Variants in CRYZL1 observed in about 807,000 individuals in gnomAD.
CRYZL1 encodes the protein crystallin zeta like 1.
CRYZL1 carries 34 observed loss-of-function variants against 50.6 expected under a neutral mutation model. That is an observed-to-expected ratio of 0.67 (90% confidence interval 0.51 to 0.89). CRYZL1 has a LOEUF of 0.89. Ranked by LOEUF, CRYZL1 falls within the 40% of genes least tolerant of loss-of-function variation. CRYZL1 has a pLI of 0.00. For synonymous variants in CRYZL1, 125 were observed against 134.3 expected (o/e 0.93, Z 0.48); for missense variants, 354 against 402.3 (o/e 0.88, Z 1.03).
intron 1 of CRYZL1, chr21:33,641,385 G>A (rs1430832093): frequency 6.8e-7 from 1 of 1,472,368 alleles, no homozygotes; most frequent in Non-Finnish European, 9.0e-7. Context: ...CAACCTGGGA[G>A]ATTAAGTGGA....
chr21:33,596,235 T>C (rs1270962014), intron 10 of CRYZL1: 2 of 449,748 alleles, frequency 4.4e-6, no homozygotes, highest in East Asian at 1.5e-4. Flanking sequence ...CATAAACATA[T>C]ATAGTAATTC....
intron 1 of CRYZL1, chr21:33,641,426 AG>A (rs1480201177): frequency 5.7e-6 from 7 of 1,238,416 alleles, no homozygotes; most frequent in Non-Finnish European, 6.5e-6. Flanking sequence ...CCTCCATAAA[AG>A]TAGAGGGAGA....
At chr21:33,617,722 G>A (rs1254211209) in intron 4 of CRYZL1, among the ~76,000 whole-genome samples, 2 of 152,144 alleles carry the variant, frequency 1.3e-5, no homozygotes, top group African/African-American at 2.4e-5. Flanking sequence ...ACAGGACAGG[G>A]ATTTTCACAA....
chr21:33,603,737 C>T (rs1334296712), intron 6 of CRYZL1, among the ~76,000 whole-genome samples, 200 bp from the exon 7 acceptor site: 1 of 152,098 alleles, frequency 6.6e-6, no homozygotes, highest in Non-Finnish European at 1.5e-5. Context: ...ATTTTTAAAA[C>T]TTTTTATATT....
intron 1 of CRYZL1, among the ~76,000 whole-genome samples, chr21:33,640,840 T>C (rs1407921175): frequency 6.6e-6 from 1 of 152,222 alleles, no homozygotes; most frequent in Non-Finnish European, 1.5e-5. Context: ...GATTTAATTT[T>C]GAAGAATTAA....
At chr21:33,596,697 C>T (rs942033980) in intron 10 of CRYZL1, among the ~76,000 whole-genome samples, 1 of 151,462 alleles carries the variant, frequency 6.6e-6, no homozygotes, top group Non-Finnish European at 1.5e-5. Context: ...ATGTCTAAAT[C>T]ACTAAATAAA....
intron 1 of CRYZL1, chr21:33,641,415 GC>G: frequency 7.5e-7 from 1 of 1,327,332 alleles, no homozygotes; most frequent in Non-Finnish European, 1.0e-6. Flanking sequence ...CCAGACCTCT[GC>G]CTCCATAAAA....
intron 2 of CRYZL1, among the ~76,000 whole-genome samples, chr21:33,625,224 C>T (rs578105649): frequency 1.7e-4 from 26 of 151,314 alleles, no homozygotes; most frequent in Admixed American, 1.3e-3. Context: ...GGCGCGATCT[C>T]GGCTCACTGC....
chr21:33,602,743 T>C (rs1465268829), intron 7 of CRYZL1, among the ~76,000 whole-genome samples: 1 of 152,188 alleles, frequency 6.6e-6, no homozygotes, highest in Non-Finnish European at 1.5e-5. Flanking sequence ...CTTCAAAAGC[T>C]CCATCCTGTT....
intron 1 of CRYZL1, among the ~76,000 whole-genome samples, chr21:33,639,223 A>C (rs1241780145): frequency 5.3e-5 from 8 of 152,296 alleles, no homozygotes; most frequent in Admixed American, 2.0e-4. Context: ...GGTTTCTTAC[A>C]TGACCAATTC....
At chr21:33,632,409 G>A (rs1031612171) in intron 1 of CRYZL1, among the ~76,000 whole-genome samples, 1 of 151,572 alleles carries the variant, frequency 6.6e-6, no homozygotes, top group Non-Finnish European at 1.5e-5. Flanking sequence ...ATGGAGTCTC[G>A]CCCTATTGCC....
Position 33,599,235 on chromosome 21 carries a change from A to G in CRYZL1, c.591T>C (p.Asp197=). The G allele has an allele frequency of 6.2e-7, 1 of 1,613,812 alleles. No homozygotes were observed. The highest frequency in any genetic ancestry group is 8.5e-7 in the Non-Finnish European group (1 of 1,179,734). ...CAACATGAACTTTCCCATTAGATAC[A>G]TCAATCACTCGGGCTGTAAAGGACA... ...RFRPPIARVI[D]VSNGKVHVAE... The change falls in exon 9 of 13, where the codon GAT becomes GAC. Residue 197 remains aspartate (D), a synonymous_variant. Transcript: ENST00000381554.
intron 11 of CRYZL1, 85 bp downstream of exon 11, chr21:33,595,643 CTAT>C (rs1388334830): frequency 6.4e-7 from 1 of 1,563,600 alleles, no homozygotes; most frequent in East Asian, 2.3e-5. Flanking sequence ...AACTTAACTG[CTAT>C]TATTATTTCC....
At chr21:33,620,478 TATAAA>T (rs1023516538) in intron 4 of CRYZL1, among the ~76,000 whole-genome samples, 66 of 152,084 alleles carry the variant, frequency 4.3e-4, no homozygotes, top group African/African-American at 1.5e-3. Context: ...GCTCTTCACT[TATAAA>T]ATACCAATTG....
In CRYZL1 at chr21:33,600,933, G is replaced by GTTTTTTTTTTTT. The variant is rs764185960; in HGVS notation, c.577+1289_577+1300dup. 4.5e-4 allele frequency among the ~76,000 whole-genome samples: 27 copies of GTTTTTTTTTTTT among 59,568 alleles called. 13 individuals are homozygous for GTTTTTTTTTTTT. Among genetic ancestry groups the GTTTTTTTTTTTT allele is most frequent in the Non-Finnish European group, 4.0e-4 (13 of 32,436 alleles). 39.1% of individuals were successfully genotyped at this position (59,568 alleles called of 152,430 possible). A position where few individuals can be genotyped will look rare whatever the true frequency, so the allele number is the denominator to read the frequency against. ...TGAGCCACTGTGCCCGGTCCATAAA[G>GTTTTTTTTTTTT]TTTTTTTTTTTTTTTTTTTTGGGGG... On this transcript the variant is annotated intron_variant, in intron 8 of 12. Transcript: ENST00000381554.
In CRYZL1 at chr21:33,625,340, A is replaced by G. The variant is rs59737201; in HGVS notation, c.67-580T>C. On this transcript the variant is annotated intron_variant, in intron 2 of 12. Coordinates refer to ENST00000381554, the MANE Select transcript of CRYZL1 (RefSeq NM_145858.3). ...CCAGCTAATTTTTTGTATTTTCAGT[A>G]GAGACGGGGTTTCACTGTGTTAGCC... Among the ~76,000 whole-genome samples, 278 of 152,086 alleles carry G rather than the reference A, an allele frequency of 1.8e-3. 7 individuals carry two copies. The East Asian group carries it at 0.05, about 27-fold the overall frequency.
At chr21:33,630,451 T>C (rs985590853) in intron 2 of CRYZL1, among the ~76,000 whole-genome samples, 3 of 152,132 alleles carry the variant, frequency 2.0e-5, no homozygotes, top group African/African-American at 7.2e-5. Context: ...CCAGGTGTGA[T>C]GGTGCGTGCC....
intron 10 of CRYZL1, chr21:33,596,079 AGG>A: frequency 1.7e-6 from 1 of 604,870 alleles, no homozygotes. Context: ...GTGAAGTGGT[AGG>A]GGTGTGTGTG....
chr21:33,636,157 G>A (rs1342102321), intron 1 of CRYZL1, among the ~76,000 whole-genome samples: 2 of 152,120 alleles, frequency 1.3e-5, no homozygotes, highest in African/African-American at 4.8e-5. Context: ...CAATTTGGGA[G>A]GAGGCTGGGG....
Sources: gnomAD v4.1 joint callset for allele counts (sites outside exome capture counted in the v4.1 genomes callset) on GRCh38, gnomAD v4.1.1 for gene constraint, MANE v1.5 for transcripts, NCBI Gene and HGNC (gene_info 2026-07-23, HGNC 2026-07-21) for gene names.